Variants in POU2F2 observed in about 807,000 individuals in gnomAD.
POU2F2 encodes the protein POU domain, class 2, transcription factor 2.
POU2F2 carries 14 observed loss-of-function variants against 63.5 expected under a neutral mutation model. The observed-to-expected ratio is 0.22, with a 90% CI of 0.15 to 0.34. The LOEUF (loss-of-function observed/expected upper bound fraction) is 0.34. Among genes scored for constraint, POU2F2 ranks in the 10% least tolerant of loss-of-function variants. POU2F2 has a pLI of 1.00. For missense variants in POU2F2, 607 were observed against 815.2 expected (o/e 0.74, Z 3.11); for synonymous variants, 306 against 348.6 (o/e 0.88, Z 1.36).
At chr19:42,131,141 T>C (rs1239303307) in intron 1 of POU2F2, among the ~76,000 whole-genome samples, 3 of 52,662 alleles carry the variant, frequency 5.7e-5, no homozygotes, top group Non-Finnish European at 1.1e-4. Context: ...ATCCCAGCCC[T>C]GACCCCTCTG....
upstream of POU2F2, among the ~76,000 whole-genome samples, chr19:42,134,266 C>T (rs1221411740): frequency 2.6e-5 from 4 of 152,140 alleles, no homozygotes; most frequent in African/African-American, 9.7e-5. Flanking sequence ...CCTGGACAGA[C>T]TCAACATCAT....
intron 5 of POU2F2, chr19:42,110,700 C>A (rs1481596570): frequency 2.2e-6 from 1 of 455,920 alleles, no homozygotes; most frequent in Non-Finnish European, 4.4e-6. Flanking sequence ...CCGTTCCTTA[C>A]CCTCTTTAAG....
At chr19:42,115,909 G>A (rs1159869646) in intron 5 of POU2F2, among the ~76,000 whole-genome samples, 1 of 152,182 alleles carries the variant, frequency 6.6e-6, no homozygotes, top group Non-Finnish European at 1.5e-5. Flanking sequence ...TACAGAGACA[G>A]GTGCACAGAG....
rs1306014799 is a variant in POU2F2 at position 42,162,301 on chromosome 19, C to T, written c.-69-1909G>A. On this transcript the variant is annotated intron_variant, in intron 1 of 6. Transcript: ENST00000524801. The surrounding 1 kb of genome is among the most constrained non-coding windows in gnomAD (Gnocchi z 4.1). ...GGTTCCCAAACCCCAATATGCCCTC[C>T]GACAGAGGGGAGAGGATCCCTCTCC... Among the ~76,000 whole-genome samples, 3 of 152,078 alleles carry T rather than the reference C, an allele frequency of 2.0e-5. No homozygotes were observed. Among genetic ancestry groups the T allele is most frequent in the South Asian group, 2.1e-4 (1 of 4,826 alleles).
At chr19:42,182,347 T>A (rs923479782) in intron 1 of POU2F2, among the ~76,000 whole-genome samples, 1 of 144,834 alleles carries the variant, frequency 6.9e-6, no homozygotes, top group African/African-American at 2.6e-5. Flanking sequence ...CAGAGGGAGA[T>A]GTGGTGCGGG....
At chr19:42,173,009 T>C (rs958603025) in intron 1 of POU2F2, among the ~76,000 whole-genome samples, 1 of 152,162 alleles carries the variant, frequency 6.6e-6, no homozygotes. Flanking sequence ...GAGCAAATGA[T>C]GTGGGCCTCA....
chr19:42,103,148 T>G (rs2077206027), intron 5 of POU2F2, among the ~76,000 whole-genome samples: 2 of 152,006 alleles, frequency 1.3e-5, no homozygotes. Context: ...AAAGTCACCC[T>G]CTCAGAGATG....
chr19:42,161,542 AAGG>A (rs2034551361), intron 1 of POU2F2, among the ~76,000 whole-genome samples: 1 of 152,040 alleles, frequency 6.6e-6, no homozygotes, highest in African/African-American at 2.4e-5. Context: ...CAGAGTTCAA[AAGG>A]AGGAGGAGGA....
In POU2F2 at chr19:42,099,773, G is replaced by A; in HGVS notation, c.418C>T (p.His140Tyr). 1 of 1,587,082 alleles carries A rather than the reference G, an allele frequency of 6.3e-7. No homozygotes were observed. The highest frequency in any genetic ancestry group is 8.6e-7 in the Non-Finnish European group (1 of 1,165,430). ...QLQQLVLVPGHHLQPPAQFLL... is the reference protein window; with the variant it reads ...QLQQLVLVPGYHLQPPAQFLL... The stretch of plus-strand genomic sequence containing the variant: ...AACTGAGCAGGTGGCTGGAGGTGGT[G>A]GCCTGGCACAAGCACCAGCTGCTGG... Residue 140 changes from histidine (H) to tyrosine (Y), a missense_variant, in exon 6 of 15, where the codon CAC becomes TAC. Transcript: ENST00000692977.
Position 42,182,616 on chromosome 19 carries a change from G to A in POU2F2, c.-70+13767C>T, listed in dbSNP as rs116407000. The stretch of plus-strand genomic sequence containing the variant: ...CCTCCTATGGGAAGGTGTTCGAGTC[G>A]GAGGATGAAGGTGAAGCAAAAGAGA... On this transcript the variant is annotated intron_variant, in intron 1 of 5. Transcript: ENST00000532176. Among the ~76,000 whole-genome samples, 1,017 of 152,250 alleles carry A rather than the reference G, an allele frequency of 6.7e-3. 13 individuals carry two copies. The highest frequency in any genetic ancestry group is 0.023 in the African/African-American group (966 of 41,520).
At chr19:42,174,816 G>A (rs572448067) in intron 1 of POU2F2, among the ~76,000 whole-genome samples, 4 of 152,110 alleles carry the variant, frequency 2.6e-5, no homozygotes, top group South Asian at 4.2e-4. Flanking sequence ...ATCCTGGGGG[G>A]TGGAAGGACA....
intron 1 of POU2F2, among the ~76,000 whole-genome samples, chr19:42,171,976 A>C (rs943054744): frequency 2.0e-5 from 3 of 152,200 alleles, no homozygotes; most frequent in Non-Finnish European, 4.4e-5. Context: ...GATTGCAGGC[A>C]TAATAGCTCC....
chr19:42,102,033 A>C (rs1209954204), intron 5 of POU2F2, among the ~76,000 whole-genome samples: 1 of 151,520 alleles, frequency 6.6e-6, no homozygotes, highest in Non-Finnish European at 1.5e-5. Flanking sequence ...CAGCAACTCC[A>C]CTCCTGCATG....
intron 5 of POU2F2, chr19:42,116,889 GGCGGCA>G (rs768529549): frequency 2.1e-6 from 1 of 475,492 alleles, no homozygotes; most frequent in East Asian, 5.9e-5. Flanking sequence ...CGGCGGCGGC[GGCGGCA>G]GCGGCGTTAG....
chr19:42,092,987 G>GTATA lies in POU2F2; in HGVS notation c.1265-721_1265-718dup, dbSNP rs56158047. Reference sequence around the variant, plus strand: ...ATGCATATATATATTATGTGTGTGTGTATATATATATATATATATATATTT... The same window carrying GTATA: ...ATGCATATATATATTATGTGTGTGTGTATATATATATATATATATATATATATTT... On this transcript the variant is annotated intron_variant, in intron 12 of 14. Transcript: ENST00000692977. The surrounding 1 kb of genome is among the most constrained non-coding windows in gnomAD (Gnocchi z 5.0). Among the ~76,000 whole-genome samples, 27 of 92,898 alleles carry GTATA rather than the reference G, an allele frequency of 2.9e-4. No individual in the cohort carries two copies. Among genetic ancestry groups the GTATA allele is most frequent in the African/African-American group, 8.7e-4 (17 of 19,594 alleles). The allele number at this position is 92,898 out of a possible 152,430, so 60.9% of individuals were successfully genotyped here. A position where few individuals can be genotyped will look rare whatever the true frequency, so the allele number is the denominator to read the frequency against.
chr19:42,172,125 C>T (rs1206523729), intron 1 of POU2F2, among the ~76,000 whole-genome samples: 1 of 152,172 alleles, frequency 6.6e-6, no homozygotes, highest in African/African-American at 2.4e-5. Flanking sequence ...TTTCCTCTGC[C>T]ATCTTTATGC....
intron 4 of POU2F2, 65 bp downstream of exon 4, chr19:42,122,061 C>T: frequency 1.3e-6 from 2 of 1,493,034 alleles, no homozygotes; most frequent in Non-Finnish European, 1.9e-6. Context: ...TGGACTGAGG[C>T]AGGCCTCCTG....
rs749111356 is a variant in POU2F2 at position 42,145,733 on chromosome 19, G to A, written c.-9+14599C>T. On this transcript the variant is annotated intron_variant, in intron 2 of 6. Transcript: ENST00000524801. ...GTGGATTGCTTGAGGTCAGGAGTTC[G>A]AGACCAGCCTGACCAACACAGTGAA... 9.2e-5 allele frequency among the ~76,000 whole-genome samples: 14 copies of A among 152,122 alleles called. No homozygotes were observed. The East Asian group carries it at 9.6e-4, about 10-fold the overall frequency.
rs1458202535 is a variant in POU2F2, at chr19:42,095,933, G to A, written c.730-4C>T. 6.2e-7 allele frequency: 1 copy of A among 1,612,544 alleles called. No homozygotes were observed. Among genetic ancestry groups the A allele is most frequent in the Non-Finnish European group, 8.5e-7 (1 of 1,179,098 alleles). On this transcript the variant is annotated splice_region_variant and splice_polypyrimidine_tract_variant and intron_variant, in intron 8 of 14. Coordinates refer to ENST00000692977, the MANE Select transcript of POU2F2 (RefSeq NM_001394376.1). This position sits in a 1 kb window ranked among gnomAD's most constrained non-coding sequence, Gnocchi z 7.1. ...CCATGGCCAGGCCCACATCACCCTGGGCCAGTGGGGCGGGGAAGGGCCCGA... is the reference window on the plus strand; with the variant it reads ...CCATGGCCAGGCCCACATCACCCTGAGCCAGTGGGGCGGGGAAGGGCCCGA...
Sources: gnomAD v4.1 joint callset for allele counts (sites outside exome capture counted in the v4.1 genomes callset) on GRCh38, gnomAD v4.1.1 for gene constraint, Gnocchi (gnomAD v3.1) non-coding constraint, MANE v1.5 for transcripts, NCBI Gene and HGNC (gene_info 2026-07-23, HGNC 2026-07-21) for gene names.